Variants in SV2B observed in about 807,000 individuals in gnomAD.
SV2B encodes the protein solute carrier family 22 member B2.
A neutral mutation model predicts 73.9 loss-of-function variants in SV2B; 41 were observed. The observed-to-expected ratio is 0.56, with a 90% confidence interval of 0.43 to 0.72. The LOEUF is 0.72. Among genes scored for constraint, SV2B ranks in the 30% least tolerant of loss-of-function variants. The pLI is 0.00. For synonymous variants in SV2B, 314 were observed against 314.2 expected (o/e 1.00, Z 0.01); for missense variants, 764 against 857.8 (o/e 0.89, Z 1.37).
intron 1 of SV2B, among the ~76,000 whole-genome samples, chr15:91,155,133 C>T (rs2043443866): frequency 6.6e-6 from 1 of 152,148 alleles, no homozygotes; most frequent in Non-Finnish European, 1.5e-5. Context: ...CTTCCAGCTC[C>T]ACCTTTCACT....
intron 1 of SV2B, among the ~76,000 whole-genome samples, chr15:91,160,525 T>G (rs932605744): frequency 3.3e-5 from 5 of 152,166 alleles, no homozygotes; most frequent in African/African-American, 1.2e-4. Context: ...TGAGAATCAC[T>G]TGAACTCAGG....
rs763958369 is a variant in SV2B at position 91,253,082 on chromosome 15, C to T, written c.784+562C>T. ...TTATAGACAAGGTCATGGTTTCAGC[C>T]GGGACAATTTTATTTTCCTGGATAA... On this transcript the variant is annotated intron_variant, in intron 4 of 12. Coordinates refer to ENST00000394232, the MANE Select transcript of SV2B (RefSeq NM_001323032.3). The surrounding 1 kb of genome is among the most constrained non-coding windows in gnomAD (Gnocchi z 5.0). 2.6e-5 allele frequency among the ~76,000 whole-genome samples: 4 copies of T among 152,092 alleles called. No homozygotes were observed. The highest frequency in any genetic ancestry group is 7.2e-5 in the African/African-American group (3 of 41,400).
At chr15:91,275,343 G>A (rs756954722) in intron 9 of SV2B, among the ~76,000 whole-genome samples, 3 of 152,046 alleles carry the variant, frequency 2.0e-5, no homozygotes, top group Non-Finnish European at 4.4e-5. Context: ...TAATCATAAT[G>A]TGCCTTCAAG....
intron 4 of SV2B, among the ~76,000 whole-genome samples, chr15:91,254,286 G>A (rs565254118): frequency 1.3e-5 from 2 of 149,444 alleles, no homozygotes; most frequent in South Asian, 4.2e-4. Context: ...ACCCAGGCTG[G>A]AGTGCAGTAG....
At chr15:91,113,157 A>C (rs572639418) in intron 1 of SV2B, among the ~76,000 whole-genome samples, 2 of 152,276 alleles carry the variant, frequency 1.3e-5, no homozygotes, top group African/African-American at 4.8e-5. Context: ...TTAAGTATGC[A>C]GTTTAGAAGC....
At position 91,290,125 on chromosome 15, in the gene SV2B, G is replaced by T. The variant is rs973850455; in HGVS notation, c.1868+445G>T. Among the ~76,000 whole-genome samples the T allele has an allele frequency of 6.6e-6, 1 of 152,062 alleles. No individual in the cohort carries two copies. Among genetic ancestry groups the T allele is most frequent in the Non-Finnish European group, 1.5e-5 (1 of 68,020 alleles). The stretch of plus-strand genomic sequence containing the variant: ...AGAGAATGTGGCAGGGAGGCCCAGG[G>T]GTTACTTTTATTTTGCACAGGTCGT... On this transcript the variant is annotated intron_variant, in intron 12 of 12. Coordinates refer to ENST00000394232, the MANE Select transcript of SV2B (RefSeq NM_001323032.3). The surrounding 1 kb of genome is among the most constrained non-coding windows in gnomAD (Gnocchi z 4.7).
chr15:91,105,611 C>T lies in SV2B; in HGVS notation c.-392+5248C>T, dbSNP rs1449364870. On this transcript the variant is annotated intron_variant, in intron 1 of 12. Transcript: ENST00000394232. The surrounding 1 kb of genome is among the most constrained non-coding windows in gnomAD (Gnocchi z 5.5). ...GGACACCACTGGAGAATTCTGAGCA[C>T]AGGGTGCTATTAGCTGATTTATGTT... is the stretch of plus-strand genomic sequence containing the variant. Among the ~76,000 whole-genome samples the T allele has an allele frequency of 3.3e-5, 5 of 152,156 alleles. No homozygotes were observed. The highest frequency in any genetic ancestry group is 4.8e-5 in the African/African-American group (2 of 41,434).
rs552455376 is a variant in SV2B at position 91,123,542 on chromosome 15, C to T, written c.-392+23179C>T. Among the ~76,000 whole-genome samples the T allele has an allele frequency of 7.6e-4, 116 of 152,202 alleles. No individual in the cohort carries two copies. The highest frequency in any genetic ancestry group is 2.6e-3 in the African/African-American group (107 of 41,522). On this transcript the variant is annotated intron_variant, in intron 1 of 12. Coordinates refer to ENST00000394232, the MANE Select transcript of SV2B (RefSeq NM_001323032.3). The surrounding 1 kb of genome is among the most constrained non-coding windows in gnomAD (Gnocchi z 4.7). Reference sequence around the variant, plus strand: ...GGTACCCCGGGAGAACTTAGGGAGACGGGATCTGGTTCCATTCATGCAGTA... The same window carrying T: ...GGTACCCCGGGAGAACTTAGGGAGATGGGATCTGGTTCCATTCATGCAGTA...
Position 91,266,589 on chromosome 15 carries a change from A to G in SV2B, c.1016A>G (p.Asn339Ser), listed in dbSNP as rs754134799. The G allele has an allele frequency of 3.4e-5, 55 of 1,613,612 alleles. No homozygotes were observed. Among genetic ancestry groups the G allele is most frequent in the Non-Finnish European group, 4.6e-5 (54 of 1,179,804 alleles). ...CCTATTTTTACTTTTCAGGTTTCCA[A>G]CATCAAAACTCCCAAGCAAATGGAT... ...GTPEKVFTVS[N>S]IKTPKQMDEF... Residue 339 changes from asparagine to serine, a missense_variant, in exon 7 of 13, where the codon AAC becomes AGC. Asn to Ser is a conservative substitution (Grantham distance 46). Coordinates refer to ENST00000394232, the MANE Select transcript of SV2B (RefSeq NM_001323032.3).
chr15:91,201,922 A>G (rs1482183980), intron 1 of SV2B, among the ~76,000 whole-genome samples: 1 of 152,034 alleles, frequency 6.6e-6, no homozygotes, highest in African/African-American at 2.4e-5. Context: ...CATCAAATCT[A>G]TTCTCAACAT....
chr15:91,292,466 C>G lies in SV2B; in HGVS notation c.1966C>G (p.Pro656Ala). 2 of 1,614,118 alleles carry G rather than the reference C, an allele frequency of 1.2e-6. No individual in the cohort carries two copies. The highest frequency in any genetic ancestry group is 1.7e-6 in the Non-Finnish European group (2 of 1,180,034). The change falls in exon 13 of 13, where the codon CCC (proline) becomes GCC (alanine). Residue 656 changes from proline (P) to alanine (A), a missense_variant. Physicochemically the swap from Pro to Ala is conservative, Grantham distance 27. Coordinates refer to ENST00000394232, the MANE Select transcript of SV2B (RefSeq NM_001323032.3). ...TTTTGTTGGGATAACCAAAGTGGTCCCCATCCTTCTGGCTGCTGCTTCTCT... is the reference window on the plus strand; with the variant it reads ...TTTTGTTGGGATAACCAAAGTGGTCGCCATCCTTCTGGCTGCTGCTTCTCT... Reference protein sequence around the residue: ...ASFVGITKVVPILLAAASLVG... With the variant: ...ASFVGITKVVAILLAAASLVG...
Position 91,292,801 on chromosome 15 carries a change from C to T in SV2B, c.*249C>T. The T allele has an allele frequency of 2.5e-6, 1 of 403,036 alleles. No homozygotes were observed. The highest frequency in any genetic ancestry group is 4.4e-6 in the Non-Finnish European group (1 of 227,534). The allele number at this position is 403,036 out of a possible 1,614,324, so 25.0% of individuals were successfully genotyped here. A position where few individuals can be genotyped will look rare whatever the true frequency, so the allele number is the denominator to read the frequency against. On this transcript the variant is annotated 3_prime_UTR_variant, in exon 13 of 13. Transcript: ENST00000394232. ...TGTTTAACTTCAAGTCTTCCCAGTCCAAGGCAGGGAGAGGATTCTCCAGTG... is the reference window on the plus strand; with the variant it reads ...TGTTTAACTTCAAGTCTTCCCAGTCTAAGGCAGGGAGAGGATTCTCCAGTG...
Position 91,299,630 on chromosome 15 carries a change from T to A in SV2B, c.*7078T>A, listed in dbSNP as rs2049373081. ...GAAGATTTCTGAAAGGTAGCGCAAG[T>A]TTTTATTTCATTATTTTTATTTTTA... On this transcript the variant is annotated 3_prime_UTR_variant, in exon 13 of 13. Transcript: ENST00000394232. 6.6e-6 allele frequency: 1 copy of A among 152,074 alleles called. No homozygotes were observed. Among genetic ancestry groups the A allele is most frequent in the African/African-American group, 2.4e-5 (1 of 41,406 alleles). The allele number at this position is 152,074 out of a possible 1,614,324, so 9.4% of individuals were successfully genotyped here.
chr15:91,120,108 A>G (rs1280393615), intron 1 of SV2B, among the ~76,000 whole-genome samples: 2 of 152,104 alleles, frequency 1.3e-5, no homozygotes, highest in African/African-American at 2.4e-5. Flanking sequence ...GGCTTTTTGT[A>G]TTAGTCTGTT....
chr15:91,267,741 C>A lies in SV2B; in HGVS notation c.1208+98C>A. 2.0e-6 allele frequency: 2 copies of A among 1,011,680 alleles called. No homozygotes were observed. The highest frequency in any genetic ancestry group is 3.0e-6 in the Non-Finnish European group (2 of 656,728). The allele number at this position is 1,011,680 out of a possible 1,614,324, so 62.7% of individuals were successfully genotyped here. A position where few individuals can be genotyped will look rare whatever the true frequency, so the allele number is the denominator to read the frequency against. On this transcript the variant is annotated intron_variant, in intron 8 of 12. Coordinates refer to ENST00000394232, the MANE Select transcript of SV2B (RefSeq NM_001323032.3). This position sits in a 1 kb window ranked among gnomAD's most constrained non-coding sequence, Gnocchi z 4.3. ...GTGAGTTCTGACTTAGAATTTGTAT[C>A]AGGTAGGATGCTTTGGTGGCAAGTA...
chr15:91,141,595 G>C lies in SV2B; in HGVS notation c.-392+41232G>C, dbSNP rs2042997103. On this transcript the variant is annotated intron_variant, in intron 1 of 12. Transcript: ENST00000394232. The surrounding 1 kb of genome is among the most constrained non-coding windows in gnomAD (Gnocchi z 4.6). ...GGTAAGGGTAATATCTACTTGAGAG[G>C]GCTCTTGTGAAGATTAAATGACAGA... 6.6e-6 allele frequency among the ~76,000 whole-genome samples: 1 copy of C among 152,112 alleles called. No homozygotes were observed. Among genetic ancestry groups the C allele is most frequent in the East Asian group, 1.9e-4 (1 of 5,200 alleles).
At chr15:91,143,207 C>T (rs1466977810) in intron 1 of SV2B, among the ~76,000 whole-genome samples, 5 of 152,136 alleles carry the variant, frequency 3.3e-5, no homozygotes, top group African/African-American at 1.2e-4. Context: ...TGGGAGGTAC[C>T]CACATAGGGC....
In SV2B at chr15:91,139,012, G is replaced by C. The variant is rs2042925321; in HGVS notation, c.-392+38649G>C. On this transcript the variant is annotated intron_variant, in intron 1 of 12. Coordinates refer to ENST00000394232, the MANE Select transcript of SV2B (RefSeq NM_001323032.3). The surrounding 1 kb of genome is among the most constrained non-coding windows in gnomAD (Gnocchi z 5.2). ...AACCAGTGAAATTACGAGACGATTA[G>C]GGAAATGTGAACACTGATTGTATAT... Among the ~76,000 whole-genome samples the C allele has an allele frequency of 6.6e-6, 1 of 152,216 alleles. No homozygotes were observed. Among genetic ancestry groups the C allele is most frequent in the Non-Finnish European group, 1.5e-5 (1 of 68,038 alleles).
rs1341242551 is a variant in SV2B, at chr15:91,299,348, TAA to T, written c.*6799_*6800del. ...CAAATCCCATAGACACCCAAAATAC[TAA>T]AAGTGACAAAACAATACTTCTTTAA... On this transcript the variant is annotated 3_prime_UTR_variant, in exon 13 of 13. Coordinates refer to ENST00000394232, the MANE Select transcript of SV2B (RefSeq NM_001323032.3). 6.6e-6 allele frequency: 1 copy of T among 152,186 alleles called. No homozygotes were observed. Among genetic ancestry groups the T allele is most frequent in the Non-Finnish European group, 1.5e-5 (1 of 68,028 alleles). 9.4% of individuals were successfully genotyped at this position (152,186 alleles called of 1,614,324 possible). A position where few individuals can be genotyped will look rare whatever the true frequency, so the allele number is the denominator to read the frequency against.
Sources: allele counts gnomAD v4.1 joint callset (sites outside exome capture counted in the v4.1 genomes callset), GRCh38; gene constraint gnomAD v4.1.1; non-coding constraint Gnocchi (gnomAD v3.1); transcripts MANE v1.5; gene names NCBI Gene and HGNC (gene_info 2026-07-23, HGNC 2026-07-21).